Variants in CDK8 observed in about 807,000 individuals in gnomAD.
The protein encoded by CDK8 is cyclin-dependent kinase 8.
In CDK8, 29 loss-of-function variants were observed where a neutral mutation model predicts 71.5. The observed-to-expected ratio is 0.41, with a 90% CI of 0.30 to 0.55. The LOEUF (loss-of-function observed/expected upper bound fraction) is 0.55. Among genes scored for constraint, CDK8 ranks in the 20% least tolerant of loss-of-function variants. The probability of loss-of-function intolerance (pLI) is 0.37; values close to 1 mark genes in which losing one functional copy is unlikely to be tolerated. For missense variants in CDK8, 288 were observed against 572.6 expected, an observed-to-expected ratio of 0.50 and a Z score of 5.07; for synonymous variants, 161 against 192.1, an observed-to-expected ratio of 0.84 and a Z score of 1.34.
intron 4 of CDK8, among the ~76,000 whole-genome samples, chr13:26,375,960 G>A (rs1372639805): frequency 6.6e-6 from 1 of 152,136 alleles, no homozygotes; most frequent in Non-Finnish European, 1.5e-5. Flanking sequence ...TGGGAACATC[G>A]TTAGGGTTAC....
At chr13:26,388,902 G>C (rs921203747) in intron 6 of CDK8, among the ~76,000 whole-genome samples, 4 of 152,126 alleles carry the variant, frequency 2.6e-5, no homozygotes, top group African/African-American at 9.7e-5. Flanking sequence ...ACTATGTTAG[G>C]AGGACCAAAT....
chr13:26,357,944 A>G (rs1456227134), intron 4 of CDK8, among the ~76,000 whole-genome samples: 1 of 152,208 alleles, frequency 6.6e-6, no homozygotes, highest in Non-Finnish European at 1.5e-5. Context: ...ATTCACGGAA[A>G]CATTCAGAAT....
Position 26,254,638 on chromosome 13 carries a change from G to T in CDK8, c.-4G>T. ...CCAGCTCTCCGGCCTCAGAGGCTGT[G>T]ACAATGGACTATGACTTTAAAGTGA... On this transcript the variant is annotated 5_prime_UTR_variant, in exon 1 of 13. Coordinates refer to ENST00000381527, the MANE Select transcript of CDK8 (RefSeq NM_001260.3). The surrounding 1 kb of genome is among the most constrained non-coding windows in gnomAD (Gnocchi z 6.7). 1.2e-6 allele frequency: 2 copies of T among 1,604,226 alleles called. No homozygotes were observed. The highest frequency in any genetic ancestry group is 2.2e-5 in the South Asian group (2 of 89,212).
Position 26,317,482 on chromosome 13 carries a change from G to C in CDK8, c.129-20085G>C, listed in dbSNP as rs116497739. ...TTTAAGAATATTCTACCCAACAAAA[G>C]TGTACACATTCTTCTCAAGTACACA... On this transcript the variant is annotated intron_variant, in intron 1 of 12. Transcript: ENST00000381527. Among the ~76,000 whole-genome samples the C allele has an allele frequency of 4.5e-3, 680 of 152,240 alleles. 5 individuals are homozygous for C. Among genetic ancestry groups the C allele is most frequent in the African/African-American group, 0.015 (642 of 41,544 alleles).
chr13:26,310,388 C>T (rs1322104616), intron 1 of CDK8, among the ~76,000 whole-genome samples: 12 of 152,088 alleles, frequency 7.9e-5, no homozygotes. Context: ...TTTCCATGGA[C>T]CAATGGGGGC....
At chr13:26,355,443 G>C (rs1055888119) in intron 4 of CDK8, among the ~76,000 whole-genome samples, 1 of 151,940 alleles carries the variant, frequency 6.6e-6, no homozygotes, top group Non-Finnish European at 1.5e-5. Context: ...GTGAAACCCC[G>C]TCTCTACTAA....
At chr13:26,353,180 C>T (rs1873752653) in intron 3 of CDK8, among the ~76,000 whole-genome samples, 1 of 152,176 alleles carries the variant, frequency 6.6e-6, no homozygotes, top group Admixed American at 6.5e-5. Context: ...CAACATTATA[C>T]ATAGAAAGCT....
intron 1 of CDK8, among the ~76,000 whole-genome samples, chr13:26,327,268 A>G (rs1342080038): frequency 1.3e-5 from 2 of 152,206 alleles, no homozygotes; most frequent in African/African-American, 4.8e-5. Context: ...AAGAATTTTT[A>G]TAATTTTGAA....
At chr13:26,319,037 C>T (rs947989359) in intron 1 of CDK8, among the ~76,000 whole-genome samples, 6 of 152,110 alleles carry the variant, frequency 3.9e-5, no homozygotes, top group African/African-American at 1.4e-4. Context: ...AGATTACACA[C>T]ACACAAACAA....
intron 1 of CDK8, among the ~76,000 whole-genome samples, chr13:26,323,011 GT>G (rs1182861460): frequency 6.6e-6 from 1 of 152,040 alleles, no homozygotes; most frequent in African/African-American, 2.4e-5. Context: ...ATTCTTGTTT[GT>G]TTTTTGGGCA....
At chr13:26,327,107 A>G (rs1875056424) in intron 1 of CDK8, among the ~76,000 whole-genome samples, 1 of 152,192 alleles carries the variant, frequency 6.6e-6, no homozygotes, top group African/African-American at 2.4e-5. Context: ...TAGTTATTGT[A>G]CCAGTTTTTG....
At chr13:26,397,837 A>G (rs1204959279) in intron 9 of CDK8, among the ~76,000 whole-genome samples, 1 of 152,192 alleles carries the variant, frequency 6.6e-6, no homozygotes, top group Non-Finnish European at 1.5e-5. Flanking sequence ...TTTGTTTACA[A>G]TAAAATTTCC....
chr13:26,329,483 G>GTTTTTTTTTTTTTTTTTTTTTTTTT, intron 1 of CDK8, among the ~76,000 whole-genome samples: 1 of 128,496 alleles, frequency 7.8e-6, no homozygotes, highest in Non-Finnish European at 1.6e-5. Context: ...TTTTTTTTTT[G>GTTTTTTTTTTTTTTTTTTTTTTTTT]TTTTTTTTTT....
At chr13:26,263,205 C>T (rs964360459) in intron 1 of CDK8, among the ~76,000 whole-genome samples, 26 of 151,934 alleles carry the variant, frequency 1.7e-4, no homozygotes, top group African/African-American at 6.3e-4. Context: ...GCGCGATCTC[C>T]GCTCACTGCT....
intron 4 of CDK8, among the ~76,000 whole-genome samples, chr13:26,368,651 T>C (rs894248264): frequency 2.6e-5 from 4 of 152,226 alleles, no homozygotes. Context: ...ACTAATACAG[T>C]GGCAAATATA....
chr13:26,329,414 TA>T (rs1173405368), intron 1 of CDK8, among the ~76,000 whole-genome samples: 1 of 151,458 alleles, frequency 6.6e-6, no homozygotes, highest in Admixed American at 6.6e-5. Context: ...ACACTCTACA[TA>T]CCTCTTTTGA....
chr13:26,322,922 A>G (rs1874846750), intron 1 of CDK8, among the ~76,000 whole-genome samples: 1 of 152,126 alleles, frequency 6.6e-6, no homozygotes, highest in Non-Finnish European at 1.5e-5. Flanking sequence ...TCCTCTCACG[A>G]TAATTTTTTT....
At position 26,353,015 on chromosome 13, in the gene CDK8, T is replaced by G. The variant is rs375257716; in HGVS notation, c.316-725T>G. ...AAGGCATAGTTTACTGCAGCCGAGTTATAGATTTTCCTGCAATTTAAGAGT... is the reference window on the plus strand; with the variant it reads ...AAGGCATAGTTTACTGCAGCCGAGTGATAGATTTTCCTGCAATTTAAGAGT... On this transcript the variant is annotated intron_variant, in intron 3 of 12. Coordinates refer to ENST00000381527, the MANE Select transcript of CDK8 (RefSeq NM_001260.3). Among the ~76,000 whole-genome samples the G allele has an allele frequency of 2.0e-4, 31 of 152,334 alleles. No homozygotes were observed. In the East Asian group the frequency reaches 4.8e-3, roughly 24 times the overall value.
chr13:26,401,683 C>A lies in CDK8; in HGVS notation c.1269+59C>A. 1 of 1,539,848 alleles carries A rather than the reference C, an allele frequency of 6.5e-7. No homozygotes were observed. Reference sequence around the variant, plus strand: ...CAGTGTTTACATATGGGTTTATGATCGTGGGAAAATGTGATTTAATTGAGA... The same window carrying A: ...CAGTGTTTACATATGGGTTTATGATAGTGGGAAAATGTGATTTAATTGAGA... On this transcript the variant is annotated intron_variant, in intron 12 of 12. Coordinates refer to ENST00000381527, the MANE Select transcript of CDK8 (RefSeq NM_001260.3). The surrounding 1 kb of genome is among the most constrained non-coding windows in gnomAD (Gnocchi z 4.5).
Sources: allele counts gnomAD v4.1 joint callset (sites outside exome capture counted in the v4.1 genomes callset), GRCh38; gene constraint gnomAD v4.1.1; non-coding constraint Gnocchi (gnomAD v3.1); transcripts MANE v1.5; gene names NCBI Gene and HGNC (gene_info 2026-07-23, HGNC 2026-07-21).